The following PLCL1 variants were observed in gnomAD, a reference collection of about 807,000 sequenced individuals.
PLCL1 encodes phospholipase C like 1 (inactive), also known as inactive phospholipase C-like protein 1.
In PLCL1, 41 loss-of-function variants were observed where a neutral mutation model predicts 84.4. That is an observed-to-expected ratio of 0.49 (90% CI 0.38 to 0.63). PLCL1 has a LOEUF of 0.63. Among genes scored for constraint, PLCL1 ranks in the 30% least tolerant of loss-of-function variants. The probability of loss-of-function intolerance (pLI) is 0.00; values close to 1 mark genes in which losing one functional copy is unlikely to be tolerated. For missense variants in PLCL1, 1,206 were observed against 1,367.8 expected (o/e 0.88, Z 1.87); for synonymous variants, 490 against 488.3 (o/e 1.00, Z -0.05).
intron 1 of PLCL1, among the ~76,000 whole-genome samples, chr2:198,009,364 G>A (rs139996563): frequency 2.0e-3 from 302 of 152,032 alleles, no homozygotes; most frequent in Non-Finnish European, 3.4e-3. Flanking sequence ...TTTTATGTAT[G>A]GTACAAGGCA....
At chr2:197,824,697 G>A (rs754966173) in intron 1 of PLCL1, among the ~76,000 whole-genome samples, 3 of 140,666 alleles carry the variant, frequency 2.1e-5, no homozygotes, top group Non-Finnish European at 4.5e-5. Flanking sequence ...CCGGGCAACA[G>A]AGCGAGACCC....
intron 1 of PLCL1, among the ~76,000 whole-genome samples, chr2:197,836,374 G>A (rs943601815): frequency 6.8e-6 from 1 of 146,356 alleles, no homozygotes; most frequent in Non-Finnish European, 1.5e-5. Context: ...GTGAACCCGG[G>A]AGGCGGAGCT....
At chr2:198,073,207 T>C (rs915732476) in intron 1 of PLCL1, among the ~76,000 whole-genome samples, 15 of 152,218 alleles carry the variant, frequency 9.9e-5, no homozygotes, top group African/African-American at 3.6e-4. Flanking sequence ...AAAACTATGC[T>C]TATGTAGTTT....
At chr2:197,950,255 C>G (rs1450095727) in intron 1 of PLCL1, among the ~76,000 whole-genome samples, 1 of 152,094 alleles carries the variant, frequency 6.6e-6, no homozygotes, top group African/African-American at 2.4e-5. Flanking sequence ...TTTGACTTTT[C>G]TCTGTTTTGG....
intron 1 of PLCL1, among the ~76,000 whole-genome samples, chr2:197,964,848 G>GT (rs1302170187): frequency 6.6e-5 from 10 of 152,028 alleles, no homozygotes; most frequent in Admixed American, 6.6e-5. Context: ...ATAATCATAT[G>GT]TTTTTTATCT....
At chr2:197,934,771 G>A (rs981307040) in intron 1 of PLCL1, among the ~76,000 whole-genome samples, 7 of 152,086 alleles carry the variant, frequency 4.6e-5, no homozygotes, top group Admixed American at 6.6e-5. Context: ...CCTCACATAC[G>A]TATCATTCTT....
intron 1 of PLCL1, among the ~76,000 whole-genome samples, chr2:198,068,719 A>G (rs1310626063): frequency 1.3e-5 from 2 of 152,178 alleles, no homozygotes; most frequent in Admixed American, 6.5e-5. Flanking sequence ...AACAAGTGTG[A>G]TGTTTATTCC....
chr2:198,061,841 T>G (rs1488177223), intron 1 of PLCL1, among the ~76,000 whole-genome samples: 1 of 152,128 alleles, frequency 6.6e-6, no homozygotes, highest in Non-Finnish European at 1.5e-5. Flanking sequence ...CCTCATGATC[T>G]GCCTGCCTCA....
chr2:198,003,160 A>AT (rs890239446), intron 1 of PLCL1, among the ~76,000 whole-genome samples: 1 of 152,142 alleles, frequency 6.6e-6, no homozygotes, highest in Non-Finnish European at 1.5e-5. Context: ...AGCAATCACA[A>AT]TTTTTTAACT....
chr2:197,923,200 C>A (rs1439238036), intron 1 of PLCL1, among the ~76,000 whole-genome samples: 1 of 97,112 alleles, frequency 1.0e-5, no homozygotes, highest in Admixed American at 9.9e-5. Flanking sequence ...GCTGGCCGGG[C>A]GGGGGGCTGA....
At chr2:198,100,809 G>C (rs181215724) in intron 3 of PLCL1, among the ~76,000 whole-genome samples, 53 of 151,934 alleles carry the variant, frequency 3.5e-4, no homozygotes, top group Non-Finnish European at 5.7e-4. Context: ...TGGTGGGAGT[G>C]GGGTGGGGGA....
intron 1 of PLCL1, among the ~76,000 whole-genome samples, chr2:198,062,348 A>G (rs1450565988): frequency 1.3e-5 from 2 of 152,174 alleles, no homozygotes; most frequent in Non-Finnish European, 2.9e-5. Flanking sequence ...TTTATTATGC[A>G]AATAAAGCTT....
intron 1 of PLCL1, among the ~76,000 whole-genome samples, chr2:197,952,249 C>T (rs1021907759): frequency 1.3e-5 from 2 of 152,154 alleles, no homozygotes; most frequent in African/African-American, 2.4e-5. Flanking sequence ...AAGGGACATT[C>T]TCTAGACTTT....
rs1354200698 is a variant in PLCL1, at chr2:198,089,059, C to T, written c.2917C>T (p.Leu973=). The change falls in exon 3 of 6, where the codon CTG becomes TTG. Residue 973 remains leucine, a splice_region_variant and synonymous_variant. Transcript: ENST00000428675. ...GAAAAAGATGCTGACTGCTTATGAT[C>T]TGGTAGGAAATTGCGACTCCATATT... ...VQKKMLTAYD[L]MIQESRFLIE... is the part of the protein sequence containing the mutation. 1 of 1,611,818 alleles carries T rather than the reference C, an allele frequency of 6.2e-7. No homozygotes were observed. The highest frequency in any genetic ancestry group is 1.7e-5 in the Admixed American group (1 of 60,022).
intron 1 of PLCL1, among the ~76,000 whole-genome samples, chr2:197,821,750 A>G (rs756521473): frequency 3.3e-5 from 5 of 152,136 alleles, no homozygotes; most frequent in Non-Finnish European, 7.4e-5. Context: ...GAAGGCTGGA[A>G]AATGTAGTCT....
intron 1 of PLCL1, among the ~76,000 whole-genome samples, chr2:198,067,144 T>TTA (rs1692341857): frequency 6.7e-6 from 1 of 150,368 alleles, no homozygotes; most frequent in African/African-American, 2.5e-5. Flanking sequence ...TTTTTTTTTT[T>TTA]AGAGACGGAG....
At chr2:197,997,405 C>T (rs1005058399) in intron 1 of PLCL1, among the ~76,000 whole-genome samples, 3 of 152,194 alleles carry the variant, frequency 2.0e-5, no homozygotes, top group Non-Finnish European at 4.4e-5. Context: ...CTGCTGAGGT[C>T]GGCTTCTGAT....
intron 1 of PLCL1, among the ~76,000 whole-genome samples, chr2:197,867,857 A>G (rs1044534812): frequency 5.9e-5 from 9 of 152,154 alleles, no homozygotes; most frequent in Non-Finnish European, 1.3e-4. Flanking sequence ...GATCTCACAG[A>G]AATACTCATA....
At chr2:198,056,450 C>T (rs1692076154) in intron 1 of PLCL1, among the ~76,000 whole-genome samples, 1 of 152,286 alleles carries the variant, frequency 6.6e-6, no homozygotes, top group Non-Finnish European at 1.5e-5. Flanking sequence ...CCTAGGATTA[C>T]ATTTAAGCTA....
Sources: gnomAD v4.1 joint callset for allele counts (sites outside exome capture counted in the v4.1 genomes callset) on GRCh38, gnomAD v4.1.1 for gene constraint, MANE v1.5 for transcripts, NCBI Gene and HGNC (gene_info 2026-07-23, HGNC 2026-07-21) for gene names.